The following ADAMTSL1 variants were observed in gnomAD, a reference collection of about 807,000 sequenced individuals.
ADAMTSL1 encodes the protein ADAMTS-like protein 1.
A neutral mutation model predicts 201.8 loss-of-function variants in ADAMTSL1; 126 were observed. That is an observed-to-expected ratio of 0.62 (90% CI 0.54 to 0.72). The LOEUF is 0.72. Among genes scored for constraint, ADAMTSL1 ranks in the 30% least tolerant of loss-of-function variants. The pLI, the probability that ADAMTSL1 is intolerant of heterozygous loss-of-function variation, is 0.00. For missense variants in ADAMTSL1, 2,679 were observed against 2,277.8 expected (o/e 1.18, Z -3.59); for synonymous variants, 1,121 against 903.4 (o/e 1.24, Z -4.32).
chr9:18,836,306 T>C (rs1046038554), intron 23 of ADAMTSL1, among the ~76,000 whole-genome samples: 1 of 152,186 alleles, frequency 6.6e-6, no homozygotes, highest in Non-Finnish European at 1.5e-5. Flanking sequence ...TCAGTTTAAG[T>C]TCCTTATGTA....
intron 3 of ADAMTSL1, among the ~76,000 whole-genome samples, chr9:18,536,911 A>G (rs1183180632): frequency 6.7e-6 from 1 of 149,490 alleles, no homozygotes; most frequent in Non-Finnish European, 1.5e-5. Context: ...CAATGTGTTT[A>G]GAGTACTTAT....
chr9:18,435,220 C>G (rs1245076683), intron 2 of ADAMTSL1, among the ~76,000 whole-genome samples: 1 of 152,124 alleles, frequency 6.6e-6, no homozygotes, highest in African/African-American at 2.4e-5. Context: ...ATATTAGATA[C>G]TTTAGGAAAT....
intron 2 of ADAMTSL1, among the ~76,000 whole-genome samples, chr9:18,264,433 G>A (rs1052927005): frequency 6.6e-6 from 1 of 152,102 alleles, no homozygotes; most frequent in Non-Finnish European, 1.5e-5. Flanking sequence ...TACCACGTAG[G>A]AGAGCTCTCC....
intron 1 of ADAMTSL1, among the ~76,000 whole-genome samples, chr9:18,036,861 C>T (rs1313292818): frequency 1.3e-5 from 2 of 152,104 alleles, no homozygotes; most frequent in African/African-American, 4.8e-5. Flanking sequence ...TTTAGAGTTT[C>T]CTTATGGACA....
chr9:17,940,152 CA>C (rs1386342054), intron 1 of ADAMTSL1, among the ~76,000 whole-genome samples: 1 of 152,094 alleles, frequency 6.6e-6, no homozygotes, highest in Non-Finnish European at 1.5e-5. Context: ...CATATCTTGA[CA>C]GTTTCTGGAG....
At chr9:18,652,269 G>A (rs1564120640) in intron 7 of ADAMTSL1, among the ~76,000 whole-genome samples, 1 of 150,652 alleles carries the variant, frequency 6.6e-6, no homozygotes, top group South Asian at 2.1e-4. Flanking sequence ...CTACTCGGGA[G>A]GCTGAGGCAG....
chr9:18,747,126 A>G (rs1372838970), intron 15 of ADAMTSL1, among the ~76,000 whole-genome samples: 1 of 152,160 alleles, frequency 6.6e-6, no homozygotes, highest in Non-Finnish European at 1.5e-5. Context: ...ACTTTGTTCT[A>G]TTGACCTTAA....
intron 28 of ADAMTSL1, chr9:18,908,197 C>CAGA: frequency 1.9e-6 from 1 of 532,598 alleles, no homozygotes; most frequent in South Asian, 2.0e-5. Context: ...AGCAGACAGC[C>CAGA]CAGGGAGGGG....
chr9:18,015,474 A>G (rs773405736), intron 1 of ADAMTSL1, among the ~76,000 whole-genome samples: 2 of 152,096 alleles, frequency 1.3e-5, no homozygotes, highest in Non-Finnish European at 2.9e-5. Context: ...AAGCAGAGAC[A>G]TTTTGATCCT....
chr9:18,520,949 A>T (rs1014611940), intron 2 of ADAMTSL1, among the ~76,000 whole-genome samples: 2 of 152,130 alleles, frequency 1.3e-5, no homozygotes, highest in Non-Finnish European at 1.5e-5. Flanking sequence ...GGAGAAAGAG[A>T]GATTTTTTAT....
chr9:18,502,098 G>A (rs372483161), intron 1 of ADAMTSL1, among the ~76,000 whole-genome samples: 4 of 152,310 alleles, frequency 2.6e-5, no homozygotes, highest in Non-Finnish European at 5.9e-5. Flanking sequence ...ACTCTCCAAG[G>A]ATTTGGCATT....
chr9:18,635,887 TC>T (rs1827079538), intron 5 of ADAMTSL1, 55 bp from the exon 6 acceptor site: 1 of 1,466,514 alleles, frequency 6.8e-7, no homozygotes, highest in Non-Finnish European at 9.4e-7. Context: ...TAGAAGGCAA[TC>T]AATAATTTTG....
intron 2 of ADAMTSL1, among the ~76,000 whole-genome samples, chr9:18,177,501 G>T (rs1017211230): frequency 6.6e-6 from 1 of 152,142 alleles, no homozygotes; most frequent in African/African-American, 2.4e-5. Context: ...TTATGTAAAA[G>T]AAACTTTCCA....
At chr9:18,036,129 G>A (rs1821185344) in intron 1 of ADAMTSL1, among the ~76,000 whole-genome samples, 1 of 152,124 alleles carries the variant, frequency 6.6e-6, no homozygotes, top group Admixed American at 6.6e-5. Flanking sequence ...TTAGGAGTTG[G>A]CCAAGTAAAG....
intron 1 of ADAMTSL1, among the ~76,000 whole-genome samples, chr9:18,146,716 G>A (rs1323733892): frequency 6.6e-6 from 1 of 152,098 alleles, no homozygotes; most frequent in Non-Finnish European, 1.5e-5. Context: ...GTGAACATGC[G>A]GTCTTCAGTG....
intron 20 of ADAMTSL1, among the ~76,000 whole-genome samples, chr9:18,802,435 A>G (rs1407020750): frequency 6.6e-6 from 1 of 152,096 alleles, no homozygotes; most frequent in Non-Finnish European, 1.5e-5. Flanking sequence ...CCATAAATCT[A>G]CCTAATCTTG....
chr9:18,040,417 T>C (rs1329921), intron 1 of ADAMTSL1, among the ~76,000 whole-genome samples: 99,431 of 152,004 alleles, frequency 0.65, 33,501 homozygotes, highest in African/African-American at 0.83. Flanking sequence ...GACTGGTTGG[T>C]TTTTCAACTA....
intron 1 of ADAMTSL1, among the ~76,000 whole-genome samples, chr9:17,911,788 A>C: frequency 1.6e-5 from 1 of 62,642 alleles, no homozygotes; most frequent in Non-Finnish European, 4.9e-5. Context: ...GCACCCATTA[A>C]CTCGTTATTT....
intron 2 of ADAMTSL1, among the ~76,000 whole-genome samples, chr9:18,206,220 AGCT>A (rs1431719458): frequency 6.6e-6 from 1 of 152,092 alleles, no homozygotes; most frequent in East Asian, 1.9e-4. Flanking sequence ...GTTCCTTAGA[AGCT>A]GATGTATTTT....
Sources: gnomAD v4.1 joint callset for allele counts (sites outside exome capture counted in the v4.1 genomes callset) on GRCh38, gnomAD v4.1.1 for gene constraint, MANE v1.5 for transcripts, NCBI Gene and HGNC (gene_info 2026-07-23, HGNC 2026-07-21) for gene names.